IPO4: variants seen among roughly 807,000 people sequenced by gnomAD.
IPO4 encodes the protein importin-4.
A neutral mutation model predicts 133.5 loss-of-function variants in IPO4; 91 were observed. The ratio of observed to expected loss-of-function variants is 0.68; its 90% CI spans 0.58 to 0.81. IPO4 has a LOEUF of 0.81. Among genes scored for constraint, IPO4 ranks in the 30% least tolerant of loss-of-function variants. IPO4 has a pLI of 0.00. For synonymous variants in IPO4, 607 were observed against 581.6 expected (o/e 1.04, Z -0.63); for missense variants, 1,279 against 1,386.2 (o/e 0.92, Z 1.23).
chr14:24,185,752 T>A lies in IPO4; in HGVS notation c.1169+109A>T, dbSNP rs941112092. The A allele has an allele frequency of 9.0e-6, 9 of 1,000,402 alleles. No individual in the cohort carries two copies. In the African/African-American group the frequency reaches 1.4e-4, roughly 16 times the overall value. 62.0% of individuals were successfully genotyped at this position (1,000,402 alleles called of 1,614,324 possible). A position where few individuals can be genotyped will look rare whatever the true frequency, so the allele number is the denominator to read the frequency against. The stretch of plus-strand genomic sequence containing the variant: ...ATCTTCCAAGCCAGGACACTTTTGA[T>A]AATGGGGGGAAACGCTGTTGATAAA... On this transcript the variant is annotated intron_variant, in intron 12 of 29. Coordinates refer to ENST00000354464, the MANE Select transcript of IPO4 (RefSeq NM_024658.4).
At chr14:24,185,007 A>G (rs2039198917) in intron 14 of IPO4, 27 bp from the exon 15 acceptor site, 1 of 1,608,546 alleles carries the variant, frequency 6.2e-7, no homozygotes, top group South Asian at 1.1e-5. Flanking sequence ...TCCTCTACCA[A>G]CCAACCCAGG....
intron 15 of IPO4, 22 bp downstream of exon 15, chr14:24,184,845 T>C: frequency 3.1e-6 from 5 of 1,610,232 alleles, no homozygotes; most frequent in Non-Finnish European, 4.2e-6. Flanking sequence ...CCCACATCCC[T>C]GCCTCCTGCC....
At chr14:24,183,963 G>A (rs1182456497) in intron 18 of IPO4, 35 bp downstream of exon 18, 1 of 1,610,316 alleles carries the variant, frequency 6.2e-7, no homozygotes, top group Non-Finnish European at 8.5e-7. Context: ...CCATTGCAGG[G>A]CAGGCCTGGC....
rs748679716 is a variant in IPO4 at position 24,183,103 on chromosome 14, C to T, written c.2294G>A (p.Arg765His). Residue 765 changes from arginine (R) to histidine (H), a missense_variant, in exon 23 of 30, where the codon CGC (arginine) becomes CAC (histidine). Physicochemically the swap from Arg to His is conservative, Grantham distance 29. This residue lies in a region of IPO4 where 575 missense variants were observed against 653.4 expected (regional missense o/e 0.88). Coordinates refer to ENST00000354464, the MANE Select transcript of IPO4 (RefSeq NM_024658.4). ...CTCCAGCACGGCCATCACCACCTGG[C>T]GTTCCCGCTCCCTGTTCACTGCCTG... ...YMQAVNRERERQVVMAVLEAL... is the reference protein window; with the variant it reads ...YMQAVNREREHQVVMAVLEAL... 23 of 1,613,884 alleles carry T rather than the reference C, an allele frequency of 1.4e-5. 1 individual carries two copies. In the South Asian group the frequency reaches 2.1e-4, roughly 15 times the overall value.
Position 24,183,041 on chromosome 14 carries a change from T to C in IPO4, c.2356A>G (p.Thr786Ala), listed in dbSNP as rs760944995. The change falls in exon 23 of 30, where the codon ACA becomes GCA. Residue 786 changes from threonine to alanine, a missense_variant. By Grantham distance (58) the Thr-to-Ala change is moderately conservative (BLOSUM62 0). Around this residue, in one of 3 missense-constraint regions of IPO4, gnomAD observed 575 missense variants for 653.4 expected, o/e 0.88. Coordinates refer to ENST00000354464, the MANE Select transcript of IPO4 (RefSeq NM_024658.4). ...TGVLRSCGTL[T>A]LKPPGRLAEL... ...GCGAGGCGCCCAGGGGGCTTCAGTG[T>C]GAGGGTCCCACAGCTGCGGAGCACC... 5 of 1,613,632 alleles carry C rather than the reference T, an allele frequency of 3.1e-6. No homozygotes were observed. Among genetic ancestry groups the C allele is most frequent in the Non-Finnish European group, 4.2e-6 (5 of 1,180,010 alleles).
chr14:24,187,012 C>T lies in IPO4; in HGVS notation c.655-33G>A, dbSNP rs192057624. The T allele has an allele frequency of 4.3e-6, 7 of 1,612,816 alleles. No homozygotes were observed. The East Asian group carries it at 8.9e-5, about 21-fold the overall frequency. On this transcript the variant is annotated intron_variant, in intron 7 of 29. Coordinates refer to ENST00000354464, the MANE Select transcript of IPO4 (RefSeq NM_024658.4). ...ACAAACAAGGCACAAGGTTACCATG[C>T]TCTTCTTCAGTGGGCCAAACTGGAC...
chr14:24,186,641 G>T, intron 9 of IPO4, 67 bp downstream of exon 9: 1 of 1,473,892 alleles, frequency 6.8e-7, no homozygotes, highest in Non-Finnish European at 9.4e-7. Context: ...TGGACCGAAA[G>T]CCCCAGGAGT....
rs1361685635 is a variant in IPO4, at chr14:24,187,459, G to A, written c.529C>T (p.Leu177Phe). Residue 177 changes from leucine to phenylalanine, a missense_variant, in exon 6 of 30, where the codon CTC becomes TTC. Physicochemically the swap from Leu to Phe is conservative, Grantham distance 22 (BLOSUM62 0). Coordinates refer to ENST00000354464, the MANE Select transcript of IPO4 (RefSeq NM_024658.4). ...GTCAGAGTGCGCAGGGAGTAGAAGA[G>A]CAGCCCAGGAGAGCCCACCTCACCA... ...TLGEVGSPGL[L>F]FYSLRTLTTM... is the part of the protein sequence containing the mutation. 1.9e-6 allele frequency: 3 copies of A among 1,614,078 alleles called. No homozygotes were observed. The highest frequency in any genetic ancestry group is 2.5e-6 in the Non-Finnish European group (3 of 1,180,050).
intron 10 of IPO4, 24 bp from the exon 11 acceptor site, chr14:24,186,206 C>T (rs1347404742): frequency 6.2e-7 from 1 of 1,612,872 alleles, no homozygotes; most frequent in Non-Finnish European, 8.5e-7. Flanking sequence ...GGGAGACTTA[C>T]TTTGCTTGAC....
intron 17 of IPO4, 60 bp from the exon 18 acceptor site, chr14:24,184,169 G>C: frequency 6.4e-7 from 1 of 1,573,318 alleles, no homozygotes; most frequent in South Asian, 1.1e-5. Flanking sequence ...GGCAGGATGG[G>C]GGAGCCCGGG....
Position 24,187,260 on chromosome 14 carries a change from C to A in IPO4, c.589-110G>T, listed in dbSNP as rs563883210. 8.2e-6 allele frequency: 12 copies of A among 1,458,156 alleles called. No homozygotes were observed. In the African/African-American group the frequency reaches 1.7e-4, roughly 20 times the overall value. The allele number at this position is 1,458,156 out of a possible 1,614,324, so 90.3% of individuals were successfully genotyped here. ...GAGGAGCCCAGGCATAACAGCCAGG[C>A]CCACCTACAGCATCCCCTCTCAATT... On this transcript the variant is annotated intron_variant, in intron 6 of 29. Coordinates refer to ENST00000354464, the MANE Select transcript of IPO4 (RefSeq NM_024658.4).
intron 13 of IPO4, 56 bp from the exon 14 acceptor site, chr14:24,185,368 G>C (rs1338378863): frequency 6.2e-7 from 1 of 1,613,304 alleles, no homozygotes; most frequent in East Asian, 2.2e-5. Flanking sequence ...GCACACACAA[G>C]AGTGCTGATG....
chr14:24,188,641 G>A lies in IPO4; in HGVS notation c.70-3C>T, dbSNP rs775815780. ...ACGATCTGGAGCTGTTCCGTGGCCT[G>A]GGGGGAAGCTAGGGGTGAGAGTTGG... On this transcript the variant is annotated splice_region_variant and splice_polypyrimidine_tract_variant and intron_variant, in intron 1 of 29. Coordinates refer to ENST00000354464, the MANE Select transcript of IPO4 (RefSeq NM_024658.4). 6.2e-7 allele frequency: 1 copy of A among 1,609,192 alleles called. No homozygotes were observed.
At chr14:24,182,678 A>T in intron 24 of IPO4, 114 bp downstream of exon 24, 1 of 1,195,250 alleles carries the variant, frequency 8.4e-7, no homozygotes, top group Non-Finnish European at 1.2e-6. Context: ...GGCCATTACC[A>T]GTCTCTTTTA....
chr14:24,184,789 A>T (rs371063341), intron 15 of IPO4, 26 bp from the exon 16 acceptor site: 154 of 1,607,160 alleles, frequency 9.6e-5, no homozygotes, highest in Middle Eastern at 3.3e-4. Context: ...ACAGAATCAG[A>T]GCTGGAGAGG....
Position 24,180,302 on chromosome 14 carries a change from C to T in IPO4, c.*140G>A, listed in dbSNP as rs1156463663. The T allele has an allele frequency of 6.6e-7, 1 of 1,509,918 alleles. No individual in the cohort carries two copies. The highest frequency in any genetic ancestry group is 1.4e-5 in the African/African-American group (1 of 72,348). 93.5% of individuals were successfully genotyped at this position (1,509,918 alleles called of 1,614,324 possible). A position where few individuals can be genotyped will look rare whatever the true frequency, so the allele number is the denominator to read the frequency against. On this transcript the variant is annotated 3_prime_UTR_variant, in exon 30 of 30. Coordinates refer to ENST00000354464, the MANE Select transcript of IPO4 (RefSeq NM_024658.4). ...TAACAGATCCAGCCTCAGGGACAGCCCTGTAAGGCAGCAAGTGGGGCTGGC... is the reference window on the plus strand; with the variant it reads ...TAACAGATCCAGCCTCAGGGACAGCTCTGTAAGGCAGCAAGTGGGGCTGGC...
At chr14:24,185,027 T>G (rs1467326778) in intron 14 of IPO4, 47 bp from the exon 15 acceptor site, 2 of 1,595,428 alleles carry the variant, frequency 1.3e-6, no homozygotes, top group Non-Finnish European at 1.7e-6. Flanking sequence ...GTCTGCTACC[T>G]GCACGCCCAC....
chr14:24,184,955 C>G lies in IPO4; in HGVS notation c.1434G>C (p.Pro478=). The change falls in exon 15 of 30, where the codon CCG becomes CCC. Residue 478 remains proline, a synonymous_variant. Coordinates refer to ENST00000354464, the MANE Select transcript of IPO4 (RefSeq NM_024658.4). The part of the protein sequence containing the change: ...NLGPKVQPYL[P]ELMECMLQLL... ...GCTGCAGCATGCATTCCATAAGCTC[C>G]GGAAGGTAGGGCTGCACCTTGGGCC... The G allele has an allele frequency of 6.2e-7, 1 of 1,613,976 alleles. No individual in the cohort carries two copies. Among genetic ancestry groups the G allele is most frequent in the East Asian group, 2.2e-5 (1 of 44,876 alleles).
At chr14:24,181,384 C>A in intron 28 of IPO4, 129 bp downstream of exon 28, 1 of 710,682 alleles carries the variant, frequency 1.4e-6, no homozygotes, top group East Asian at 2.7e-5. Flanking sequence ...ACCAAAAGAA[C>A]AGCTGAAACT....
Sources: allele counts gnomAD v4.1 joint callset, GRCh38; gene constraint gnomAD v4.1.1; regional missense constraint gnomAD v4.1.1; transcripts MANE v1.5; gene names NCBI Gene and HGNC (gene_info 2026-07-23, HGNC 2026-07-21).